The following DENND4A variants were observed in gnomAD, a reference collection of about 807,000 sequenced individuals.
DENND4A encodes the protein DENN domain containing 4A.
In DENND4A, 70 loss-of-function variants were observed where a neutral mutation model predicts 199.3. The observed-to-expected ratio is 0.35, with a 90% CI of 0.29 to 0.43. DENND4A has a LOEUF of 0.43. Ranked by LOEUF, DENND4A falls within the 20% of genes least tolerant of loss-of-function variation. The pLI, the probability that DENND4A is intolerant of heterozygous loss-of-function variation, is 1.00. For synonymous variants in DENND4A, 686 were observed against 766.9 expected, an observed-to-expected ratio of 0.89 and a Z score of 1.74; for missense variants, 1,723 against 2,255.8, an observed-to-expected ratio of 0.76 and a Z score of 4.78.
At chr15:65,670,696 A>G (rs952875212) in intron 25 of DENND4A, among the ~76,000 whole-genome samples, 1 of 152,230 alleles carries the variant, frequency 6.6e-6, no homozygotes, top group Non-Finnish European at 1.5e-5. Flanking sequence ...ACAGATTAGA[A>G]ATTAAACAAA....
chr15:65,669,228 T>C (rs1388539154), intron 27 of DENND4A, among the ~76,000 whole-genome samples: 1 of 152,220 alleles, frequency 6.6e-6, no homozygotes, highest in Non-Finnish European at 1.5e-5. Context: ...CAGCTACCAA[T>C]ATGGCTTCAT....
chr15:65,729,420 C>T, intron 10 of DENND4A, 114 bp downstream of exon 10: 1 of 1,459,926 alleles, frequency 6.8e-7, no homozygotes, highest in Non-Finnish European at 9.3e-7. Flanking sequence ...TTTCAAAAAA[C>T]ACAAATTCAT....
intron 21 of DENND4A, chr15:65,696,977 G>A (rs1365868270): frequency 3.3e-6 from 1 of 306,862 alleles, no homozygotes; most frequent in East Asian, 7.4e-5. Context: ...AAAAGAAATA[G>A]TTTCAAGAAA....
intron 21 of DENND4A, 23 bp from the exon 22 acceptor site, chr15:65,696,520 G>A (rs1162459542): frequency 6.3e-7 from 1 of 1,581,148 alleles, no homozygotes; most frequent in Admixed American, 1.7e-5. Context: ...AAATGAAAAT[G>A]TTAATAAAAT....
intron 9 of DENND4A, 22 bp from the exon 10 acceptor site, chr15:65,729,700 T>C (rs1335403705): frequency 1.3e-6 from 2 of 1,536,640 alleles, no homozygotes; most frequent in East Asian, 4.9e-5. Flanking sequence ...AACAAAAATA[T>C]ATAATTAAAA....
intron 23 of DENND4A, among the ~76,000 whole-genome samples, chr15:65,678,670 A>C (rs538448741): frequency 6.6e-6 from 1 of 152,286 alleles, no homozygotes; most frequent in South Asian, 2.1e-4. Context: ...AAGTTTTATT[A>C]AATTCTTTTA....
intron 23 of DENND4A, among the ~76,000 whole-genome samples, chr15:65,679,043 T>C (rs1339537170): frequency 1.3e-5 from 2 of 152,010 alleles, no homozygotes; most frequent in Non-Finnish European, 2.9e-5. Flanking sequence ...TCCAGAATGC[T>C]GTTGGGTGGC....
At chr15:65,686,024 T>A (rs772218931) in intron 23 of DENND4A, among the ~76,000 whole-genome samples, 2 of 152,202 alleles carry the variant, frequency 1.3e-5, no homozygotes, top group Admixed American at 6.5e-5. Context: ...ATTTTCTATA[T>A]TAATTTTAGG....
intron 11 of DENND4A, among the ~76,000 whole-genome samples, chr15:65,727,331 T>C (rs755792801): frequency 2.6e-5 from 4 of 151,566 alleles, no homozygotes; most frequent in Non-Finnish European, 5.9e-5. Context: ...CGGGTACCTG[T>C]AGTCCCAGCT....
intron 1 of DENND4A, among the ~76,000 whole-genome samples, chr15:65,791,534 C>A (rs2077722915): frequency 6.6e-6 from 1 of 151,842 alleles, no homozygotes; most frequent in Non-Finnish European, 1.5e-5. Flanking sequence ...CCCGTGCCCG[C>A]GGGCCGGGGA....
At chr15:65,758,184 T>C (rs769814637) in intron 2 of DENND4A, among the ~76,000 whole-genome samples, 3 of 152,078 alleles carry the variant, frequency 2.0e-5, no homozygotes, top group Non-Finnish European at 4.4e-5. Flanking sequence ...GAATTTCAAA[T>C]AATAAAAGTA....
intron 2 of DENND4A, among the ~76,000 whole-genome samples, chr15:65,757,550 A>G (rs951932751): frequency 1.3e-5 from 2 of 152,164 alleles, no homozygotes; most frequent in African/African-American, 4.8e-5. Context: ...GGGAGATAAT[A>G]AAGTTGTAGG....
chr15:65,781,113 AG>A lies in DENND4A; in HGVS notation c.-102+10896del, dbSNP rs753023185. Among the ~76,000 whole-genome samples, 129 of 152,238 alleles carry A rather than the reference AG, an allele frequency of 8.5e-4. 4 individuals carry two copies. Among genetic ancestry groups the A allele is most frequent in the Non-Finnish European group, 5.1e-4 (35 of 68,040 alleles). ...AAAAGAAAAAGGAAGGAGGAAACAA[AG>A]GCATTCCAGGCAGAAGGACTACATA... On this transcript the variant is annotated intron_variant, in intron 1 of 32. Coordinates refer to ENST00000443035, the MANE Select transcript of DENND4A (RefSeq NM_001320835.1).
At position 65,724,715 on chromosome 15, in the gene DENND4A, G is replaced by A. The variant is rs116914891; in HGVS notation, c.1488-1767C>T. ...GATAGGGCAAAGTCAAACTGCAGAT[G>A]TCCTGCTGTGAAGGTGTGATTACAT... On this transcript the variant is annotated intron_variant, in intron 11 of 32. Coordinates refer to ENST00000443035, the MANE Select transcript of DENND4A (RefSeq NM_001320835.1). Among the ~76,000 whole-genome samples the A allele has an allele frequency of 8.7e-4, 133 of 152,322 alleles. 1 individual carries two copies. The highest frequency in any genetic ancestry group is 8.5e-4 in the Admixed American group (13 of 15,302).
At chr15:65,782,263 T>C (rs1261567111) in intron 1 of DENND4A, among the ~76,000 whole-genome samples, 2 of 152,188 alleles carry the variant, frequency 1.3e-5, no homozygotes, top group African/African-American at 4.8e-5. Context: ...ACCCTTTGCA[T>C]TGCAAGGCTT....
chr15:65,670,219 AG>A, intron 25 of DENND4A, 31 bp from the exon 26 acceptor site: 1 of 1,439,164 alleles, frequency 6.9e-7, no homozygotes, highest in Non-Finnish European at 9.2e-7. Flanking sequence ...TTATAAAGAA[AG>A]CTGGTTAATT....
Position 65,661,633 on chromosome 15 carries a change from TAAA to T in DENND4A, c.*215_*217del, listed in dbSNP as rs1019769605. ...ACTTTATTTCCTATTACAGGGGAGT[TAAA>T]GAAGAAGAAAAAAGAAATGAGAAAC... On this transcript the variant is annotated 3_prime_UTR_variant, in exon 33 of 33. Coordinates refer to ENST00000443035, the MANE Select transcript of DENND4A (RefSeq NM_001320835.1). 3.2e-5 allele frequency: 12 copies of T among 379,820 alleles called. No homozygotes were observed. Among genetic ancestry groups the T allele is most frequent in the South Asian group, 1.0e-4 (1 of 9,994 alleles). 23.5% of individuals were successfully genotyped at this position (379,820 alleles called of 1,614,324 possible).
intron 14 of DENND4A, among the ~76,000 whole-genome samples, chr15:65,706,789 C>T (rs1188272130): frequency 6.6e-6 from 1 of 152,058 alleles, no homozygotes; most frequent in Admixed American, 6.5e-5. Flanking sequence ...CCACAGCGCC[C>T]GGCCTTTCAT....
intron 23 of DENND4A, among the ~76,000 whole-genome samples, chr15:65,678,667 ATTAAATTCTTTTACAAC>A (rs1194179236): frequency 6.6e-6 from 1 of 152,186 alleles, no homozygotes; most frequent in East Asian, 1.9e-4. Context: ...ATCAAGTTTT[ATTAAATTCTTTTACAAC>A]ATTTTTATCT....
Sources: gnomAD v4.1 joint callset for allele counts (sites outside exome capture counted in the v4.1 genomes callset) on GRCh38, gnomAD v4.1.1 for gene constraint, MANE v1.5 for transcripts, NCBI Gene and HGNC (gene_info 2026-07-23, HGNC 2026-07-21) for gene names.